Variants in PRSS23 observed in about 807,000 individuals in gnomAD.
PRSS23 encodes the protein protease, serine 23.
Under a neutral mutation model 34.7 loss-of-function variants are expected in PRSS23, and 25 were observed. The ratio of observed to expected loss-of-function variants is 0.72; its 90% CI spans 0.53 to 1.01. PRSS23 has a LOEUF of 1.01. Among genes scored for constraint, PRSS23 ranks in the 50% least tolerant of loss-of-function variants. PRSS23 has a pLI of 0.00. For missense variants in PRSS23, 445 were observed against 475.6 expected (o/e 0.94, Z 0.60); for synonymous variants, 176 against 186.6 (o/e 0.94, Z 0.46).
At chr11:86,833,259 G>A in intron 2 of PRSS23, 1 of 1,577,832 alleles carries the variant, frequency 6.3e-7, no homozygotes, top group South Asian at 1.1e-5. Flanking sequence ...TGTCAGCCAA[G>A]GACAGGTTGG....
intron 2 of PRSS23, chr11:86,832,495 A>G (rs971797414): frequency 1.6e-5 from 4 of 252,296 alleles, no homozygotes; most frequent in African/African-American, 6.8e-5. Flanking sequence ...ACACTACAAA[A>G]GGAATGGAAC....
intron 2 of PRSS23, among the ~76,000 whole-genome samples, chr11:86,923,510 A>G (rs1326764222): frequency 2.0e-5 from 3 of 152,178 alleles, no homozygotes; most frequent in Non-Finnish European, 4.4e-5. Flanking sequence ...TAGGCCACCA[A>G]TTGGCTGAAA....
chr11:86,836,788 A>G (rs567240472), intron 2 of PRSS23: 8 of 152,364 alleles, frequency 5.3e-5, no homozygotes, highest in Admixed American at 2.6e-4. Context: ...GGGTGATGGC[A>G]TGGACTGGCA....
rs1245752248 is a variant in PRSS23 at position 86,891,940 on chromosome 11, A to G, written c.207-59276A>G. Reference sequence around the variant, plus strand: ...TTCCTGAGGCCTCCCCAGCCATGCCAAACTGTGAGTTAATTAAACCTTTTT... The same window carrying G: ...TTCCTGAGGCCTCCCCAGCCATGCCGAACTGTGAGTTAATTAAACCTTTTT... On this transcript the variant is annotated intron_variant, in intron 2 of 2. Coordinates refer to the PRSS23 transcript ENST00000533902. 1.3e-5 allele frequency among the ~76,000 whole-genome samples: 2 copies of G among 152,186 alleles called. 1 individual carries two copies. Among genetic ancestry groups the G allele is most frequent in the South Asian group, 4.1e-4 (2 of 4,830 alleles).
chr11:86,952,601 G>A lies in PRSS23; in HGVS notation c.*1316G>A, dbSNP rs531400084. The A allele has an allele frequency of 1.7e-5, 16 of 947,128 alleles. 1 individual carries two copies. Among genetic ancestry groups the A allele is most frequent in the South Asian group, 1.6e-4 (11 of 70,300 alleles). 58.7% of individuals were successfully genotyped at this position (947,128 alleles called of 1,614,324 possible). A position where few individuals can be genotyped will look rare whatever the true frequency, so the allele number is the denominator to read the frequency against. ...CTACTTTTAAACCAACCTATCGGGA[G>A]TCTGTCTGTTTACTCTGACCTCAAA... On this transcript the variant is annotated 3_prime_UTR_variant, in exon 3 of 3. Coordinates refer to the PRSS23 transcript ENST00000533902.
At chr11:86,820,132 A>G (rs575773403) in intron 1 of PRSS23, among the ~76,000 whole-genome samples, 4 of 152,328 alleles carry the variant, frequency 2.6e-5, no homozygotes, top group South Asian at 2.1e-4. Context: ...TAAAATAAAT[A>G]CTACAGTATT....
At chr11:86,828,101 G>A (rs1459123618) in intron 2 of PRSS23, among the ~76,000 whole-genome samples, 6 of 152,190 alleles carry the variant, frequency 3.9e-5, no homozygotes, top group Admixed American at 1.3e-4. Flanking sequence ...GAGTGTTAAA[G>A]TCTCCCATTA....
At chr11:86,872,377 A>G (rs1477462412) in intron 2 of PRSS23, among the ~76,000 whole-genome samples, 1 of 152,222 alleles carries the variant, frequency 6.6e-6, no homozygotes, top group African/African-American at 2.4e-5. Flanking sequence ...TTATTCAACT[A>G]GGAACAAAGG....
chr11:86,838,629 A>G (rs1590887846), intron 2 of PRSS23, among the ~76,000 whole-genome samples: 1 of 152,358 alleles, frequency 6.6e-6, no homozygotes, highest in East Asian at 1.9e-4. Context: ...TGGTTCTCTC[A>G]GCATGGCATT....
intron 2 of PRSS23, among the ~76,000 whole-genome samples, chr11:86,916,519 G>T (rs1022517943): frequency 1.1e-4 from 16 of 152,204 alleles, no homozygotes; most frequent in Non-Finnish European, 4.4e-5. Context: ...CTGGCTGGGT[G>T]TGCCTCATAC....
At chr11:86,844,358 G>A (rs892905391) in intron 2 of PRSS23, among the ~76,000 whole-genome samples, 9 of 152,094 alleles carry the variant, frequency 5.9e-5, no homozygotes, top group South Asian at 2.1e-4. Context: ...ACATGTATAC[G>A]TATGTAACAA....
Position 86,827,605 on chromosome 11 carries a change from T to C in PRSS23, c.206+4012T>C, listed in dbSNP as rs193034833. On this transcript the variant is annotated intron_variant, in intron 2 of 2. Coordinates refer to the PRSS23 transcript ENST00000533902. Reference sequence around the variant, plus strand: ...GATGTTCGGGTGTCAATTTTGGATCTTTCCTGCTTTCTCTTGTGGGCATTT... The same window carrying C: ...GATGTTCGGGTGTCAATTTTGGATCCTTCCTGCTTTCTCTTGTGGGCATTT... Among the ~76,000 whole-genome samples the C allele has an allele frequency of 5.4e-3, 819 of 152,330 alleles. 11 individuals are homozygous for C. The highest frequency in any genetic ancestry group is 0.018 in the African/African-American group (758 of 41,568).
intron 2 of PRSS23, among the ~76,000 whole-genome samples, chr11:86,879,739 C>T (rs1431149495): frequency 1.5e-5 from 2 of 133,176 alleles, no homozygotes; most frequent in African/African-American, 5.6e-5. Context: ...GTCAGCCCCC[C>T]GCCCGGCCAG....
intron 2 of PRSS23, chr11:86,857,410 A>G: frequency 3.1e-6 from 1 of 324,668 alleles, no homozygotes; most frequent in Non-Finnish European, 5.9e-6. Context: ...TAAAATACAT[A>G]ATATGTTATT....
In PRSS23 at chr11:86,859,897, C is replaced by T. The variant is rs566897376; in HGVS notation, c.206+36304C>T. On this transcript the variant is annotated intron_variant, in intron 2 of 2. Transcript: ENST00000533902. Reference sequence around the variant, plus strand: ...CATGGGGGAGAGGATGATATTACTCCAAATATTGCAGGGGTTATACACACC... The same window carrying T: ...CATGGGGGAGAGGATGATATTACTCTAAATATTGCAGGGGTTATACACACC... Among the ~76,000 whole-genome samples, 123 of 151,872 alleles carry T rather than the reference C, an allele frequency of 8.1e-4. 1 individual carries two copies. The highest frequency in any genetic ancestry group is 1.3e-3 in the Non-Finnish European group (91 of 67,912).
chr11:86,902,708 C>G (rs1162330631), intron 2 of PRSS23, among the ~76,000 whole-genome samples: 1 of 152,160 alleles, frequency 6.6e-6, no homozygotes, highest in Admixed American at 6.5e-5. Flanking sequence ...AAGATGTAAA[C>G]AACATGATAT....
intron 2 of PRSS23, among the ~76,000 whole-genome samples, chr11:86,931,782 C>T (rs899102234): frequency 2.0e-5 from 3 of 152,124 alleles, no homozygotes; most frequent in Non-Finnish European, 4.4e-5. Context: ...GCTGGGATTA[C>T]AGGCATGAGC....
chr11:86,893,552 A>G (rs1565379216), intron 2 of PRSS23, among the ~76,000 whole-genome samples: 1 of 152,200 alleles, frequency 6.6e-6, no homozygotes, highest in Non-Finnish European at 1.5e-5. Context: ...TTTAAGAGTC[A>G]ACGCTGGTCC....
chr11:86,923,452 G>A (rs1949060064), intron 2 of PRSS23, among the ~76,000 whole-genome samples: 1 of 152,066 alleles, frequency 6.6e-6, no homozygotes, highest in Admixed American at 6.6e-5. Context: ...TAAATTACAT[G>A]TATGGCTTAT....
Sources: allele counts gnomAD v4.1 joint callset (sites outside exome capture counted in the v4.1 genomes callset), GRCh38; gene constraint gnomAD v4.1.1; transcripts MANE v1.5; gene names NCBI Gene and HGNC (gene_info 2026-07-23, HGNC 2026-07-21).